KHDRBS2: variants seen among roughly 807,000 people sequenced by gnomAD.
KHDRBS2 encodes KH domain-containing, RNA-binding, signal transduction-associated protein 2.
KHDRBS2 carries 26 observed loss-of-function variants against 44.3 expected under a neutral mutation model. The ratio of observed to expected loss-of-function variants is 0.59; its 90% CI spans 0.43 to 0.81. The LOEUF is 0.81. KHDRBS2 is among the 40% of genes least tolerant of loss of function. The pLI is 0.00. For synonymous variants in KHDRBS2, 194 were observed against 151.1 expected (o/e 1.28, Z -2.08); for missense variants, 476 against 433.1 (o/e 1.10, Z -0.88).
chr6:61,901,065 T>A (rs529242393), intron 5 of KHDRBS2, among the ~76,000 whole-genome samples, 179 bp downstream of exon 5: 44 of 152,306 alleles, frequency 2.9e-4, no homozygotes, highest in African/African-American at 9.6e-4. Flanking sequence ...GAGGATTTGG[T>A]GACTTAACAT....
chr6:62,100,413 T>C (rs1801596983), intron 2 of KHDRBS2, among the ~76,000 whole-genome samples: 1 of 152,146 alleles, frequency 6.6e-6, no homozygotes, highest in African/African-American at 2.4e-5. Context: ...ACATAGTAGG[T>C]TGGAGGGAAC....
intron 2 of KHDRBS2, among the ~76,000 whole-genome samples, chr6:62,107,237 C>A (rs1171209000): frequency 6.6e-6 from 1 of 152,154 alleles, no homozygotes; most frequent in African/African-American, 2.4e-5. Flanking sequence ...TAAGCAACTT[C>A]AGCAAAGTCT....
At chr6:61,565,019 T>C in the KHDRBS2 span, among the ~76,000 whole-genome samples, 9 of 151,950 alleles carry the variant, frequency 5.9e-5, no homozygotes, top group Admixed American at 2.0e-4. Flanking sequence ...TTCACAGATA[T>C]ACAATAAATT....
intron 1 of KHDRBS2, among the ~76,000 whole-genome samples, chr6:62,223,142 C>A (rs1442337174): frequency 2.0e-5 from 3 of 152,222 alleles, no homozygotes; most frequent in African/African-American, 7.2e-5. Flanking sequence ...CAAACTTCTG[C>A]CTGGACATCC....
chr6:61,885,744 A>T (rs1046906398), intron 6 of KHDRBS2, among the ~76,000 whole-genome samples: 3 of 152,148 alleles, frequency 2.0e-5, no homozygotes, highest in Non-Finnish European at 4.4e-5. Flanking sequence ...TGCAGATAAA[A>T]TACCTTACTT....
At chr6:61,786,584 T>C (rs187604281) in intron 6 of KHDRBS2, among the ~76,000 whole-genome samples, 1 of 152,134 alleles carries the variant, frequency 6.6e-6, no homozygotes, top group East Asian at 1.9e-4. Flanking sequence ...CTATGGAATC[T>C]GAAGTGATGA....
the KHDRBS2 span, among the ~76,000 whole-genome samples, chr6:61,651,835 G>A: frequency 2.6e-5 from 4 of 152,024 alleles, no homozygotes; most frequent in South Asian, 8.3e-4. Flanking sequence ...AGATTGTACT[G>A]GTAAAGAAGT....
chr6:61,864,114 T>C (rs1211003057), intron 6 of KHDRBS2, among the ~76,000 whole-genome samples: 1 of 152,162 alleles, frequency 6.6e-6, no homozygotes, highest in Non-Finnish European at 1.5e-5. Flanking sequence ...GCGATCCCTC[T>C]TTTTTCCTGT....
intron 4 of KHDRBS2, among the ~76,000 whole-genome samples, chr6:61,939,370 G>A (rs573465464): frequency 5.3e-4 from 80 of 152,104 alleles, no homozygotes; most frequent in South Asian, 1.2e-3. Flanking sequence ...TTTCAAATTC[G>A]AAATTAATTA....
At chr6:62,023,384 A>G (rs951325544) in intron 3 of KHDRBS2, among the ~76,000 whole-genome samples, 1 of 151,676 alleles carries the variant, frequency 6.6e-6, no homozygotes, top group African/African-American at 2.4e-5. Flanking sequence ...GTTGGTTTTC[A>G]GCATAGATAT....
At chr6:61,775,235 A>G (rs1781750473) in intron 6 of KHDRBS2, among the ~76,000 whole-genome samples, 1 of 152,100 alleles carries the variant, frequency 6.6e-6, no homozygotes, top group South Asian at 2.1e-4. Flanking sequence ...TGGGCACAAG[A>G]CAGGGATGCC....
At chr6:62,092,147 C>G (rs1224056976) in intron 2 of KHDRBS2, among the ~76,000 whole-genome samples, 1 of 151,842 alleles carries the variant, frequency 6.6e-6, no homozygotes, top group Non-Finnish European at 1.5e-5. Context: ...TGCTCAGCTT[C>G]CACCAGCTCT....
the KHDRBS2 span, among the ~76,000 whole-genome samples, chr6:61,640,900 C>A: frequency 6.6e-6 from 1 of 152,104 alleles, no homozygotes; most frequent in African/African-American, 2.4e-5. Context: ...CAACTTCAGA[C>A]TTACAAAGTC....
the KHDRBS2 span, among the ~76,000 whole-genome samples, chr6:61,640,866 A>C: frequency 2.6e-5 from 4 of 152,180 alleles, no homozygotes; most frequent in South Asian, 4.1e-4. Flanking sequence ...ATTCAAAGGC[A>C]GAAAACAGAT....
intron 1 of KHDRBS2, among the ~76,000 whole-genome samples, chr6:62,251,235 T>C (rs1035850458): frequency 1.3e-5 from 2 of 151,856 alleles, no homozygotes; most frequent in African/African-American, 4.8e-5. Flanking sequence ...GAACATGCTC[T>C]TCCACTCTCA....
chr6:62,093,101 T>G (rs1799781412), intron 2 of KHDRBS2, among the ~76,000 whole-genome samples: 1 of 151,794 alleles, frequency 6.6e-6, no homozygotes, highest in Non-Finnish European at 1.5e-5. Flanking sequence ...GCAAATAAAA[T>G]CCTCTACTTT....
chr6:62,004,623 C>G (rs1389191901), intron 3 of KHDRBS2, among the ~76,000 whole-genome samples: 1 of 151,948 alleles, frequency 6.6e-6, no homozygotes, highest in African/African-American at 2.4e-5. Context: ...CTGTTCCAAT[C>G]AATAGAAAAA....
At chr6:62,164,081 A>T (rs1818191104) in intron 2 of KHDRBS2, among the ~76,000 whole-genome samples, 2 of 151,802 alleles carry the variant, frequency 1.3e-5, no homozygotes, top group South Asian at 4.1e-4. Flanking sequence ...TTCATAATAG[A>T]TTTTGATGGG....
At chr6:61,997,635 T>C (rs1322095079) in intron 3 of KHDRBS2, among the ~76,000 whole-genome samples, 11 of 152,158 alleles carry the variant, frequency 7.2e-5, no homozygotes, top group African/African-American at 2.4e-4. Context: ...CCAATCCATG[T>C]AAATGAGCAC....
Sources: allele counts gnomAD v4.1 joint callset (sites outside exome capture counted in the v4.1 genomes callset), GRCh38; gene constraint gnomAD v4.1.1; transcripts MANE v1.5; gene names NCBI Gene and HGNC (gene_info 2026-07-23, HGNC 2026-07-21).